Variants in STRIP1 observed in about 807,000 individuals in gnomAD.
STRIP1 encodes the protein striatin-interacting protein 1.
Under a neutral mutation model 106.2 loss-of-function variants are expected in STRIP1, and 63 were observed. The observed-to-expected ratio is 0.59, with a 90% CI of 0.48 to 0.73. The LOEUF (loss-of-function observed/expected upper bound fraction) is 0.73. STRIP1 is among the 30% of genes least tolerant of loss of function. STRIP1 has a pLI of 0.00. For missense variants in STRIP1, 857 were observed against 1,074.8 expected, an observed-to-expected ratio of 0.80 and a Z score of 2.83; for synonymous variants, 390 against 413.0, an observed-to-expected ratio of 0.94 and a Z score of 0.67.
rs146229969 is a variant in STRIP1, at chr1:110,046,735, G to A, written c.1472G>A (p.Arg491His). 13 of 1,612,236 alleles carry A rather than the reference G, an allele frequency of 8.1e-6. No homozygotes were observed. Among genetic ancestry groups the A allele is most frequent in the African/African-American group, 6.7e-5 (5 of 74,838 alleles). ...VQAQMEEEYL[R>H]SPLSGGEEEV... ...GCACAGATGGAGGAGGAATACCTCC[G>A]CTCCCCTCTCTCAGGGGTAAGTTGG... is the stretch of plus-strand genomic sequence containing the variant. The change falls in exon 13 of 21, where the codon CGC becomes CAC. Residue 491 changes from arginine (R) to histidine (H), a missense_variant. Transcript: ENST00000369795.
At chr1:110,045,591 T>C (rs1425096390) in intron 12 of STRIP1, 1 of 152,450 alleles carries the variant, frequency 6.6e-6, no homozygotes, top group Non-Finnish European at 1.4e-5. Context: ...GCGGTTGAAA[T>C]AGAGGAGTAG....
chr1:110,040,078 C>G (rs1652683326), intron 5 of STRIP1: 1 of 423,664 alleles, frequency 2.4e-6, no homozygotes, highest in Non-Finnish European at 4.5e-6. Flanking sequence ...ACTGTCATCC[C>G]CATTTTACAG....
At position 110,050,991 on chromosome 1, in the gene STRIP1, C is replaced by T; in HGVS notation, c.1992C>T (p.Asn664=). 1 of 1,613,950 alleles carries T rather than the reference C, an allele frequency of 6.2e-7. No homozygotes were observed. ...AGDSNQFCWR[N]LFSCINLLRI... ...ACAGTAACCAATTTTGCTGGAGGAA[C>T]CTCTTTTCTTGTATCAATCTGCTTC... Residue 664 remains asparagine, a synonymous_variant, in exon 19 of 21, where the codon AAC becomes AAT. Transcript: ENST00000369795.
chr1:110,049,771 T>G (rs1653204932), intron 17 of STRIP1: 2 of 542,966 alleles, frequency 3.7e-6, no homozygotes, highest in Non-Finnish European at 6.5e-6. Flanking sequence ...GGTGACTTGG[T>G]CTGTGCCTGG....
chr1:110,039,559 T>C lies in STRIP1; in HGVS notation c.581+44T>C, dbSNP rs573949415. ...CTGAGTAGGGAAGGGGAGGCTGGGA[T>C]GGGAAGGGGGACAGAGCTTGCAGAA... On this transcript the variant is annotated intron_variant, in intron 5 of 20. Transcript: ENST00000369795. 3 of 1,568,302 alleles carry C rather than the reference T, an allele frequency of 1.9e-6. No homozygotes were observed. In the African/African-American group the frequency reaches 4.0e-5, roughly 21 times the overall value.
At chr1:110,047,986 AT>A in intron 15 of STRIP1, 117 bp downstream of exon 15, 2 of 841,638 alleles carry the variant, frequency 2.4e-6, no homozygotes, top group Admixed American at 2.6e-5. Context: ...AAATGTAGGT[AT>A]TTTTGACCCA....
At chr1:110,043,516 CTG>C in intron 9 of STRIP1, 121 bp from the exon 10 acceptor site, 1 of 954,644 alleles carries the variant, frequency 1.0e-6, no homozygotes, top group Non-Finnish European at 1.6e-6. Context: ...TTGACTCCCA[CTG>C]TGGTTTTTCC....
rs756585894 is a variant in STRIP1, at chr1:110,039,475, A to G, written c.541A>G (p.Thr181Ala). 53 of 1,610,852 alleles carry G rather than the reference A, an allele frequency of 3.3e-5. No individual in the cohort carries two copies. Among genetic ancestry groups the G allele is most frequent in the Non-Finnish European group, 4.2e-5 (49 of 1,178,682 alleles). The change falls in exon 5 of 21, where the codon ACG (threonine) becomes GCG (alanine). Residue 181 changes from threonine to alanine, a missense_variant. Around this residue, in one of 2 missense-constraint regions of STRIP1, gnomAD observed 750 missense variants for 989.8 expected, o/e 0.76. Coordinates refer to ENST00000369795, the MANE Select transcript of STRIP1 (RefSeq NM_033088.4). ...YNIFLLLEVGTFNALVELLNM... is the reference protein window; with the variant it reads ...YNIFLLLEVGAFNALVELLNM... ...CATCTTTCTCCTCCTGGAGGTGGGC[A>G]CGTTCAATGCTTTGGTGGAGCTTCT... is the stretch of plus-strand genomic sequence containing the variant.
chr1:110,046,212 T>C (rs914011432), intron 12 of STRIP1, among the ~76,000 whole-genome samples: 3 of 152,086 alleles, frequency 2.0e-5, no homozygotes, highest in African/African-American at 7.2e-5. Flanking sequence ...TAGAAAAATA[T>C]TTTGGGGCCA....
chr1:110,043,307 C>T (rs1372514173), intron 9 of STRIP1, 37 bp downstream of exon 9: 1 of 1,594,554 alleles, frequency 6.3e-7, no homozygotes, highest in Non-Finnish European at 8.5e-7. Flanking sequence ...TCCTGAGGGC[C>T]CTCAAGGTGC....
intron 15 of STRIP1, among the ~76,000 whole-genome samples, 195 bp from the exon 16 acceptor site, chr1:110,048,917 G>A (rs888884651): frequency 1.3e-5 from 2 of 152,174 alleles, no homozygotes; most frequent in Non-Finnish European, 2.9e-5. Context: ...TCATGGGGAA[G>A]AAATAAATTG....
At chr1:110,049,607 A>G (rs1653197641) in intron 17 of STRIP1, 47 bp downstream of exon 17, 6 of 1,358,072 alleles carry the variant, frequency 4.4e-6, no homozygotes, top group Non-Finnish European at 6.3e-6. Flanking sequence ...GTCAGACGGC[A>G]GAGTTCCCAG....
intron 1 of STRIP1, among the ~76,000 whole-genome samples, chr1:110,035,468 A>C (rs1557785940): frequency 6.6e-6 from 1 of 152,046 alleles, no homozygotes; most frequent in East Asian, 1.9e-4. Context: ...TGAGAAATAG[A>C]CATTTTAAGC....
intron 16 of STRIP1, 93 bp from the exon 17 acceptor site, chr1:110,049,366 GC>G: frequency 1.3e-6 from 2 of 1,553,264 alleles, no homozygotes; most frequent in Non-Finnish European, 1.8e-6. Context: ...CTAAGACATG[GC>G]CCTTCAGCCA....
At chr1:110,041,014 G>A (rs1652733747) in intron 6 of STRIP1, among the ~76,000 whole-genome samples, 4 of 152,112 alleles carry the variant, frequency 2.6e-5, no homozygotes, top group Non-Finnish European at 5.9e-5. Context: ...TGAAACACTT[G>A]ATGGTGTTCC....
At chr1:110,034,341 T>C (rs1423143932), upstream of STRIP1, among the ~76,000 whole-genome samples, 1 of 152,206 alleles carries the variant, frequency 6.6e-6, no homozygotes, top group Admixed American at 6.5e-5. Context: ...CTATGAGTTA[T>C]AAGTGCAAAG....
rs1652360703 is a variant in STRIP1 at position 110,034,836 on chromosome 1, C to G, written c.180+19C>G. ...CTCAGAGGTCAGGAGCTTCGGGGGGCGAGGCTCGCACCGGGTCGGGCGGCG... is the reference window on the plus strand; with the variant it reads ...CTCAGAGGTCAGGAGCTTCGGGGGGGGAGGCTCGCACCGGGTCGGGCGGCG... On this transcript the variant is annotated intron_variant, in intron 1 of 20. Transcript: ENST00000369795. 2.2e-6 allele frequency: 3 copies of G among 1,374,262 alleles called. No individual in the cohort carries two copies. The African/African-American group carries it at 4.6e-5, about 21-fold the overall frequency. The allele number at this position is 1,374,262 out of a possible 1,614,324, so 85.1% of individuals were successfully genotyped here. A position where few individuals can be genotyped will look rare whatever the true frequency, so the allele number is the denominator to read the frequency against.
At chr1:110,034,437 A>C (rs1652329134), upstream of STRIP1, among the ~76,000 whole-genome samples, 1 of 152,190 alleles carries the variant, frequency 6.6e-6, no homozygotes, top group South Asian at 2.1e-4. Context: ...ACTGAAACTG[A>C]AAGGAAGGTG....
chr1:110,051,943 C>T, intron 20 of STRIP1, 56 bp downstream of exon 20: 1 of 1,558,662 alleles, frequency 6.4e-7, no homozygotes, highest in Non-Finnish European at 8.8e-7. Flanking sequence ...AAAGTGACAT[C>T]TTTCACTCCC....
Sources: allele counts gnomAD v4.1 joint callset (sites outside exome capture counted in the v4.1 genomes callset), GRCh38; gene constraint gnomAD v4.1.1; regional missense constraint gnomAD v4.1.1; transcripts MANE v1.5; gene names NCBI Gene and HGNC (gene_info 2026-07-23, HGNC 2026-07-21).